DNAAF5: variants seen among roughly 807,000 people sequenced by gnomAD.
DNAAF5 encodes HEAT repeat containing 2.
A neutral mutation model predicts 75.8 loss-of-function variants in DNAAF5; 64 were observed. The observed-to-expected ratio is 0.84, with a 90% CI of 0.69 to 1.04. The LOEUF is 1.04. Ranked by LOEUF, DNAAF5 falls within the 50% of genes least tolerant of loss-of-function variation. The pLI is 0.00. For synonymous variants in DNAAF5, 657 were observed against 557.2 expected, an observed-to-expected ratio of 1.18 and a Z score of -2.52; for missense variants, 1,269 against 1,178.5, an observed-to-expected ratio of 1.08 and a Z score of -1.12.
At chr7:768,725 T>G in intron 8 of DNAAF5, 1 of 171,454 alleles carries the variant, frequency 5.8e-6, no homozygotes. Context: ...AGGCGTCAGG[T>G]TTGAACATTC....
intron 12 of DNAAF5, among the ~76,000 whole-genome samples, chr7:781,272 C>T (rs74723241): frequency 0.04 from 6,081 of 152,238 alleles, 423 homozygotes; most frequent in African/African-American, 0.14. Context: ...TGAGAATGTG[C>T]GGAATTTGCC....
rs760279946 is a variant in DNAAF5 at position 740,963 on chromosome 7, C to T, written c.905+20C>T. ...GGTCAGGTACGTGGGCAGGCGGCCG[C>T]GGGCCTTGTCTTCCTAAACGGTCAT... On this transcript the variant is annotated intron_variant, in intron 3 of 12. Transcript: ENST00000297440. The T allele has an allele frequency of 1.2e-5, 20 of 1,609,836 alleles. No homozygotes were observed. The highest frequency in any genetic ancestry group is 1.6e-4 in the Middle Eastern group (1 of 6,080).
chr7:773,145 C>G (rs960325392), intron 9 of DNAAF5, among the ~76,000 whole-genome samples: 12 of 152,214 alleles, frequency 7.9e-5, no homozygotes, highest in African/African-American at 2.9e-4. Context: ...GTCACGGTGC[C>G]GAAAATGGCA....
rs866990454 is a variant in DNAAF5 at position 727,431 on chromosome 7, C to T, written c.595+116C>T. 8,812 of 429,172 alleles carry T rather than the reference C, an allele frequency of 0.021. 167 individuals are homozygous for T. Among genetic ancestry groups the T allele is most frequent in the Non-Finnish European group, 0.026 (7,398 of 287,180 alleles). The allele number at this position is 429,172 out of a possible 1,614,324, so 26.6% of individuals were successfully genotyped here. On this transcript the variant is annotated intron_variant, in intron 1 of 12. Transcript: ENST00000297440. ...GGCCCCGCCCCCCTCCACGCCCGCA[C>T]CCCCCAACATCCCGGACCCCCCATG...
rs1015120237 is a variant in DNAAF5 at position 774,240 on chromosome 7, C to G, written c.2082+42C>G. ...GTGCTCGGTGGACACCGGCCGGGGA[C>G]TGCGCAGGCTTCCTGGCGCCCGGCA... is the stretch of plus-strand genomic sequence containing the variant. On this transcript the variant is annotated intron_variant, in intron 10 of 12. Coordinates refer to ENST00000297440, the MANE Select transcript of DNAAF5 (RefSeq NM_017802.4). 5.8e-6 allele frequency: 9 copies of G among 1,542,670 alleles called. No homozygotes were observed. In the African/African-American group the frequency reaches 1.1e-4, roughly 19 times the overall value.
chr7:753,888 C>G (rs1183126149), intron 4 of DNAAF5, among the ~76,000 whole-genome samples: 1 of 143,018 alleles, frequency 7.0e-6, no homozygotes, highest in Admixed American at 7.0e-5. Context: ...AGGCGTCTCT[C>G]TCTCATCATA....
intron 4 of DNAAF5, among the ~76,000 whole-genome samples, chr7:742,431 G>A (rs1405979308): frequency 2.3e-5 from 2 of 86,228 alleles, no homozygotes; most frequent in Admixed American, 1.4e-4. Flanking sequence ...CAAATCACAT[G>A]CCCAGCTCAA....
At chr7:777,207 A>AGCC (rs1778790964) in intron 11 of DNAAF5, among the ~76,000 whole-genome samples, 1 of 152,180 alleles carries the variant, frequency 6.6e-6, no homozygotes, top group East Asian at 1.9e-4. Context: ...CTCATCCTGA[A>AGCC]ACCATCTCAC....
chr7:731,703 C>T (rs1184963599), intron 2 of DNAAF5, among the ~76,000 whole-genome samples: 2 of 151,802 alleles, frequency 1.3e-5, no homozygotes, highest in East Asian at 1.9e-4. Context: ...TCTTTTAGCT[C>T]GTCAGCTATC....
chr7:738,234 T>G (rs762672040), intron 2 of DNAAF5, among the ~76,000 whole-genome samples: 2 of 152,228 alleles, frequency 1.3e-5, no homozygotes, highest in African/African-American at 2.4e-5. Flanking sequence ...TGCTAATTCC[T>G]TTTTTCTACG....
rs1462803228 is a variant in DNAAF5 at position 727,328 on chromosome 7, G to A, written c.595+13G>A. ...CAGGCCACGCCCGGTGAGCACCCCG[G>A]GCCCCGCTCCCACACGCCACCCCAC... On this transcript the variant is annotated intron_variant, in intron 1 of 12. Transcript: ENST00000297440. The A allele has an allele frequency of 1.8e-5, 22 of 1,256,268 alleles. No homozygotes were observed. In the African/African-American group the frequency reaches 2.5e-4, roughly 14 times the overall value. 77.8% of individuals were successfully genotyped at this position (1,256,268 alleles called of 1,614,324 possible). A position where few individuals can be genotyped will look rare whatever the true frequency, so the allele number is the denominator to read the frequency against.
Position 726,892 on chromosome 7 carries a change from G to A in DNAAF5, c.172G>A (p.Glu58Lys), listed in dbSNP as rs1781320505. Reference sequence around the variant, plus strand: ...CTTGGAGGCCCTGCGGCGCGCGCTGGAGGAGCCAGGCCCTGCCGCCGACCC... The same window carrying A: ...CTTGGAGGCCCTGCGGCGCGCGCTGAAGGAGCCAGGCCCTGCCGCCGACCC... ...RALEALRRAL[E>K]EPGPAADPTA... The change falls in exon 1 of 13, where the codon GAG (glutamate) becomes AAG (lysine). Residue 58 changes from glutamate to lysine, a missense_variant. Glu to Lys is a moderately conservative substitution (Grantham distance 56). Transcript: ENST00000297440. 4 of 1,336,804 alleles carry A rather than the reference G, an allele frequency of 3.0e-6. No homozygotes were observed. The highest frequency in any genetic ancestry group is 3.8e-6 in the Non-Finnish European group (4 of 1,045,386). The allele number at this position is 1,336,804 out of a possible 1,614,324, so 82.8% of individuals were successfully genotyped here.
At chr7:746,960 A>T (rs2128075402) in intron 4 of DNAAF5, among the ~76,000 whole-genome samples, 1 of 152,122 alleles carries the variant, frequency 6.6e-6, no homozygotes, top group South Asian at 2.1e-4. Context: ...CATGCATGGC[A>T]CCTGTGTCTG....
At chr7:770,350 G>A in intron 8 of DNAAF5, 121 bp from the exon 9 acceptor site, 1 of 771,644 alleles carries the variant, frequency 1.3e-6, no homozygotes, top group Non-Finnish European at 2.0e-6. Flanking sequence ...GAGGAAGCGG[G>A]GAGGTGGTGG....
In DNAAF5 at chr7:727,038, C is replaced by T; in HGVS notation, c.318C>T (p.Arg106=). The part of the protein sequence containing the change: ...AVHLLDLGLR[R]AARPRDALPR... ...ACCTGCTGGATCTGGGCCTGCGCCG[C>T]GCCGCGCGGCCCCGCGATGCCCTGC... Residue 106 remains arginine (R), a synonymous_variant, in exon 1 of 13, where the codon CGC becomes CGT. Coordinates refer to ENST00000297440, the MANE Select transcript of DNAAF5 (RefSeq NM_017802.4). The T allele has an allele frequency of 1.8e-6, 2 of 1,124,624 alleles. No individual in the cohort carries two copies. Among genetic ancestry groups the T allele is most frequent in the Non-Finnish European group, 2.2e-6 (2 of 920,458 alleles). The allele number at this position is 1,124,624 out of a possible 1,614,324, so 69.7% of individuals were successfully genotyped here.
chr7:769,186 G>A (rs1778466502), intron 8 of DNAAF5: 1 of 774,664 alleles, frequency 1.3e-6, no homozygotes, highest in South Asian at 1.4e-5. Flanking sequence ...ACATCGCGAG[G>A]TCCCCAGCAA....
At chr7:760,883 C>T (rs988237991) in intron 6 of DNAAF5, among the ~76,000 whole-genome samples, 2 of 152,178 alleles carry the variant, frequency 1.3e-5, no homozygotes, top group African/African-American at 2.4e-5. Context: ...TTTTATTTGT[C>T]TTAAAACTTG....
At chr7:730,269 G>C (rs1005812717) in intron 2 of DNAAF5, among the ~76,000 whole-genome samples, 4 of 152,130 alleles carry the variant, frequency 2.6e-5, no homozygotes, top group Non-Finnish European at 2.9e-5. Context: ...CCCACCAAGA[G>C]ACGGGCAGGC....
intron 8 of DNAAF5, among the ~76,000 whole-genome samples, chr7:764,439 G>A (rs947175696): frequency 3.9e-5 from 6 of 152,200 alleles, no homozygotes; most frequent in African/African-American, 9.7e-5. Flanking sequence ...GCTTCAGCGC[G>A]GGGCAAGATC....
Sources: allele counts gnomAD v4.1 joint callset (sites outside exome capture counted in the v4.1 genomes callset), GRCh38; gene constraint gnomAD v4.1.1; transcripts MANE v1.5; gene names NCBI Gene and HGNC (gene_info 2026-07-23, HGNC 2026-07-21).